Variants in MTERF4 observed in about 807,000 individuals in gnomAD.
MTERF4 encodes transcription termination factor 4, mitochondrial.
Under a neutral mutation model 22.5 loss-of-function variants are expected in MTERF4, and 17 were observed. The observed-to-expected ratio is 0.75, with a 90% CI of 0.52 to 1.13. The LOEUF is 1.13. MTERF4 is among the 50% of genes most tolerant of loss of function. The pLI is 0.00. For missense variants in MTERF4, 420 were observed against 466.8 expected (o/e 0.90, Z 0.92); for synonymous variants, 165 against 175.3 (o/e 0.94, Z 0.47).
chr2:241,070,150 A>ACGGAGCTCGGGC, downstream of MTERF4: 1 of 1,609,440 alleles, frequency 6.2e-7, no homozygotes, highest in Non-Finnish European at 8.5e-7. Flanking sequence ...AGTGCAGAGC[A>ACGGAGCTCGGGC]CGGAGCTCGG....
the MTERF4 span, chr2:241,048,199 T>C: frequency 2.4e-5 from 30 of 1,258,758 alleles, 1 homozygote; most frequent in Non-Finnish European, 3.2e-5. Context: ...TGGCTTAAAT[T>C]CCACTTGGGA....
chr2:241,101,630 G>A (rs1418677878), intron 1 of MTERF4, among the ~76,000 whole-genome samples: 1 of 152,200 alleles, frequency 6.6e-6, no homozygotes, highest in African/African-American at 2.4e-5. Context: ...AGGAACACCT[G>A]GCAGTCGCTG....
At chr2:241,053,060 C>T in the MTERF4 span, 5 of 1,247,256 alleles carry the variant, frequency 4.0e-6, no homozygotes, top group Admixed American at 2.2e-5. Context: ...CAGGACATCC[C>T]TGGGCCCTGC....
Position 241,097,236 on chromosome 2 carries a change from T to G in MTERF4, c.705+7A>C, listed in dbSNP as rs200965043. 3.6e-4 allele frequency: 586 copies of G among 1,613,540 alleles called. No individual in the cohort carries two copies. Among genetic ancestry groups the G allele is most frequent in the Non-Finnish European group, 4.4e-4 (522 of 1,179,718 alleles). ...ACTACGCTAATCACGCTATCAGTCA[T>G]TCTCACCTGAAACTTGTATTCCAGT... On this transcript the variant is annotated splice_region_variant and intron_variant, in intron 3 of 3. Coordinates refer to ENST00000391980, the MANE Select transcript of MTERF4 (RefSeq NM_182501.4).
At chr2:241,092,411 T>A (rs907870881), downstream of MTERF4, 1 of 152,140 alleles carries the variant, frequency 6.6e-6, no homozygotes, top group Non-Finnish European at 1.5e-5. This position sits in a 1 kb window ranked among gnomAD's most constrained non-coding sequence, Gnocchi z 4.6. Flanking sequence ...TATGTTCCAA[T>A]AAAAACTTAT....
In MTERF4 at chr2:241,073,756, A is replaced by G; in HGVS notation, n.2406T>C. On this transcript the variant is annotated non_coding_transcript_exon_variant, in exon 5 of 5. Transcript: ENST00000464344. This position sits in a 1 kb window ranked among gnomAD's most constrained non-coding sequence, Gnocchi z 6.6. Reference sequence around the variant, plus strand: ...CAGGCGGAGTCAGGATGGGAGAAGCAGAGGGAGCAGCCACTGGGCGAGCCC... The same window carrying G: ...CAGGCGGAGTCAGGATGGGAGAAGCGGAGGGAGCAGCCACTGGGCGAGCCC... The G allele has an allele frequency of 2.7e-6, 1 of 373,894 alleles. No individual in the cohort carries two copies. Among genetic ancestry groups the G allele is most frequent in the Non-Finnish European group, 4.8e-6 (1 of 207,020 alleles). The allele number at this position is 373,894 out of a possible 1,614,324, so 23.2% of individuals were successfully genotyped here.
the MTERF4 span, among the ~76,000 whole-genome samples, chr2:241,046,281 T>C: frequency 6.6e-6 from 1 of 152,246 alleles, no homozygotes; most frequent in African/African-American, 2.4e-5. Flanking sequence ...GCTTATAATA[T>C]GCCCCAGCAA....
chr2:241,049,683 G>C, the MTERF4 span: 1 of 649,402 alleles, frequency 1.5e-6, no homozygotes, highest in South Asian at 1.8e-5. Context: ...GATGCCCACA[G>C]AGTGTATTTT....
At chr2:241,051,944 T>G in the MTERF4 span, 1 of 1,473,094 alleles carries the variant, frequency 6.8e-7, no homozygotes, top group African/African-American at 1.4e-5. The surrounding 1 kb of genome is among the most constrained non-coding windows in gnomAD (Gnocchi z 4.7). Context: ...CCCTGCCAGC[T>G]GTGGGTCTGC....
chr2:241,057,571 C>T, the MTERF4 span, among the ~76,000 whole-genome samples: 1 of 151,666 alleles, frequency 6.6e-6, no homozygotes, highest in African/African-American at 2.4e-5. Flanking sequence ...GTAGTCCCAA[C>T]TACTCAAGAG....
At chr2:241,049,270 CCT>C in the MTERF4 span, 4 of 655,714 alleles carry the variant, frequency 6.1e-6, no homozygotes, top group Non-Finnish European at 1.1e-5. Context: ...CCTGGGGAAG[CCT>C]CTCTCAATAG....
At chr2:241,082,394 G>A (rs13391241), downstream of MTERF4, 11,996 of 1,558,954 alleles carry the variant, frequency 7.7e-3, 720 homozygotes, top group African/African-American at 0.13. Flanking sequence ...CCGCCTTACC[G>A]CATTTGTCGT....
intron 4 of MTERF4, among the ~76,000 whole-genome samples, chr2:241,077,445 C>T (rs1414597104): frequency 6.6e-6 from 1 of 152,160 alleles, no homozygotes; most frequent in African/African-American, 2.4e-5. Flanking sequence ...CTTAAAACTT[C>T]TGTGCCTCAA....
At chr2:241,068,715 A>G (rs1185903648), downstream of MTERF4, among the ~76,000 whole-genome samples, 1 of 151,896 alleles carries the variant, frequency 6.6e-6, no homozygotes, top group Non-Finnish European at 1.5e-5. The surrounding 1 kb of genome is among the most constrained non-coding windows in gnomAD (Gnocchi z 5.3). Flanking sequence ...TGCCCGGACT[A>G]TGGGTTGGCT....
At chr2:241,048,414 G>C in the MTERF4 span, 33 of 1,610,384 alleles carry the variant, frequency 2.0e-5, no homozygotes, top group Admixed American at 3.7e-4. Flanking sequence ...TGCCCCGAAG[G>C]CTTCATGGGC....
the MTERF4 span, among the ~76,000 whole-genome samples, chr2:241,066,356 C>T: frequency 6.6e-6 from 1 of 152,176 alleles, no homozygotes; most frequent in African/African-American, 2.4e-5. Flanking sequence ...AGAAAGGAGC[C>T]CTAGAACATG....
chr2:241,063,353 G>C, the MTERF4 span: 2 of 568,366 alleles, frequency 3.5e-6, no homozygotes, highest in South Asian at 1.9e-5. Flanking sequence ...TTGCGGAGTG[G>C]CCTGGAGGAA....
At chr2:241,082,693 C>A (rs1032889099), downstream of MTERF4, among the ~76,000 whole-genome samples, 1 of 152,232 alleles carries the variant, frequency 6.6e-6, no homozygotes, top group South Asian at 2.1e-4. Flanking sequence ...TTCCTCTCTT[C>A]TCTTCCTCAG....
chr2:241,094,414 A>C (rs2125371497), downstream of MTERF4: 1 of 471,252 alleles, frequency 2.1e-6, no homozygotes, highest in South Asian at 1.5e-5. This position sits in a 1 kb window ranked among gnomAD's most constrained non-coding sequence, Gnocchi z 4.3. Context: ...CTTTGCAGTC[A>C]CGCTGTAAGA....
Sources: gnomAD v4.1 joint callset for allele counts (sites outside exome capture counted in the v4.1 genomes callset) on GRCh38, gnomAD v4.1.1 for gene constraint, Gnocchi (gnomAD v3.1) non-coding constraint, MANE v1.5 for transcripts, NCBI Gene and HGNC (gene_info 2026-07-23, HGNC 2026-07-21) for gene names.